Variants in MAN2A2 observed in about 807,000 individuals in gnomAD.
MAN2A2 encodes the protein alpha-mannosidase 2x.
Under a neutral mutation model 126.8 loss-of-function variants are expected in MAN2A2, and 79 were observed. That is an observed-to-expected ratio of 0.62 (90% CI 0.52 to 0.75). MAN2A2 has a LOEUF of 0.75. MAN2A2 is among the 30% of genes least tolerant of loss of function. The pLI is 0.00. For synonymous variants in MAN2A2, 671 were observed against 618.7 expected, an observed-to-expected ratio of 1.08 and a Z score of -1.25; for missense variants, 1,392 against 1,522.4, an observed-to-expected ratio of 0.91 and a Z score of 1.43.
intron 17 of MAN2A2, 53 bp downstream of exon 17, chr15:90,913,044 GT>G: frequency 6.9e-7 from 1 of 1,444,356 alleles, no homozygotes. Flanking sequence ...CTCCACAACT[GT>G]GGCGTATTCT....
At chr15:90,918,836 T>C in intron 22 of MAN2A2, 81 bp downstream of exon 22, 1 of 1,048,984 alleles carries the variant, frequency 9.5e-7, no homozygotes, top group Middle Eastern at 2.0e-4. Flanking sequence ...GGTGACAGGC[T>C]GGGAGAAGAA....
chr15:90,916,313 C>T (rs1007352732), intron 20 of MAN2A2, 57 bp downstream of exon 20: 22 of 1,578,806 alleles, frequency 1.4e-5, no homozygotes, highest in East Asian at 2.3e-5. Context: ...TGGGGGTGGC[C>T]GGGGGGTCCA....
In MAN2A2 at chr15:90,921,245, T is replaced by C. The variant is rs1465118753; in HGVS notation, c.*1458T>C. 2 of 152,254 alleles carry C rather than the reference T, an allele frequency of 1.3e-5. No individual in the cohort carries two copies. Among genetic ancestry groups the C allele is most frequent in the Non-Finnish European group, 2.9e-5 (2 of 68,046 alleles). 9.4% of individuals were successfully genotyped at this position (152,254 alleles called of 1,614,324 possible). The stretch of plus-strand genomic sequence containing the variant: ...AGTATTCTGTAAGTCAACCCAATGA[T>C]ACACATCATGTTCCTGTCCACATAC... On this transcript the variant is annotated 3_prime_UTR_variant, in exon 23 of 23. Coordinates refer to ENST00000559717, the MANE Select transcript of MAN2A2 (RefSeq NM_006122.4).
chr15:90,910,301 C>A lies in MAN2A2; in HGVS notation c.1577+9C>A. ...CTGGAAGCCCACCTGCGGTGAGACC[C>A]TGTCCCCGCTTCCAGGCTGGAGGGG... is the stretch of plus-strand genomic sequence containing the variant. On this transcript the variant is annotated intron_variant, in intron 10 of 22. Transcript: ENST00000559717. The A allele has an allele frequency of 6.2e-7, 1 of 1,613,594 alleles. No homozygotes were observed. The highest frequency in any genetic ancestry group is 8.5e-7 in the Non-Finnish European group (1 of 1,179,656).
At position 90,906,466 on chromosome 15, in the gene MAN2A2, C is replaced by G. The variant is rs749986284; in HGVS notation, c.804C>G (p.Ile268Met). ...SHYFALIDQL[I>M]EGHQWLERNL... Reference sequence around the variant, plus strand: ...ACTTTGCATTGATTGACCAGCTCATCGAAGGACACCAGTGGCTGGAGAGAA... The same window carrying G: ...ACTTTGCATTGATTGACCAGCTCATGGAAGGACACCAGTGGCTGGAGAGAA... Residue 268 changes from isoleucine to methionine, a missense_variant, in exon 6 of 23, where the codon ATC (isoleucine) becomes ATG (methionine). Physicochemically the swap from Ile to Met is conservative, Grantham distance 10. Coordinates refer to ENST00000559717, the MANE Select transcript of MAN2A2 (RefSeq NM_006122.4). 5.0e-6 allele frequency: 8 copies of G among 1,614,142 alleles called. No individual in the cohort carries two copies. The highest frequency in any genetic ancestry group is 3.3e-5 in the South Asian group (3 of 91,084).
chr15:90,910,589 C>T lies in MAN2A2; in HGVS notation c.1666C>T (p.Leu556=). The change falls in exon 11 of 23, where the codon CTG becomes TTG. Residue 556 remains leucine (L), a synonymous_variant. Transcript: ENST00000559717. ...GRYPLSDFTL[L]TEARRTLGLF... ...GTACCCACTGTCTGATTTCACCCTC[C>T]TGACGGAAGCTCGGCGCACATTGGG... is the stretch of plus-strand genomic sequence containing the variant. The T allele has an allele frequency of 6.2e-7, 1 of 1,614,194 alleles. No individual in the cohort carries two copies. The highest frequency in any genetic ancestry group is 8.5e-7 in the Non-Finnish European group (1 of 1,180,032).
chr15:90,906,339 C>A (rs1436775327), intron 5 of MAN2A2, 31 bp from the exon 6 acceptor site: 1 of 1,613,500 alleles, frequency 6.2e-7, no homozygotes, highest in Admixed American at 1.7e-5. Flanking sequence ...GAGTGTCCTG[C>A]TCCGTCCTGA....
chr15:90,910,460 C>T, intron 10 of MAN2A2, 41 bp from the exon 11 acceptor site: 1 of 1,608,546 alleles, frequency 6.2e-7, no homozygotes, highest in East Asian at 2.2e-5. Context: ...TGGGCCCTGG[C>T]TAGTGGTGCA....
intron 20 of MAN2A2, chr15:90,917,939 T>C: frequency 2.1e-6 from 1 of 487,582 alleles, no homozygotes; most frequent in South Asian, 2.6e-5. Flanking sequence ...CTCATGATAG[T>C]GTTATGTGAG....
At chr15:90,919,230 T>C (rs2151333016) in intron 22 of MAN2A2, among the ~76,000 whole-genome samples, 1 of 152,324 alleles carries the variant, frequency 6.6e-6, no homozygotes, top group Non-Finnish European at 1.5e-5. Context: ...CCCGTGAGAC[T>C]GGATGCACAC....
intron 2 of MAN2A2, among the ~76,000 whole-genome samples, 165 bp from the exon 3 acceptor site, chr15:90,905,086 A>G (rs1370699117): frequency 6.6e-6 from 1 of 151,928 alleles, no homozygotes; most frequent in African/African-American, 2.4e-5. Context: ...GGTGATCTGC[A>G]CAGCTCCCTT....
At position 90,916,302 on chromosome 15, in the gene MAN2A2, C is replaced by T. The variant is rs771910106; in HGVS notation, c.2994+46C>T. The T allele has an allele frequency of 5.0e-6, 8 of 1,593,568 alleles. No homozygotes were observed. In the African/African-American group the frequency reaches 9.4e-5, roughly 19 times the overall value. ...CCAGGGAGCCAGGTCTGGCTAGTCC[C>T]TGGGGGTGGCCGGGGGGTCCAGCCT... On this transcript the variant is annotated intron_variant, in intron 20 of 22. Coordinates refer to ENST00000559717, the MANE Select transcript of MAN2A2 (RefSeq NM_006122.4).
Position 90,918,304 on chromosome 15 carries a change from C to T in MAN2A2, c.3105C>T (p.Gly1035=). The T allele has an allele frequency of 1.2e-6, 2 of 1,614,184 alleles. No individual in the cohort carries two copies. The highest frequency in any genetic ancestry group is 1.7e-6 in the Non-Finnish European group (2 of 1,180,028). Residue 1035 remains glycine (G), a synonymous_variant, in exon 21 of 23, where the codon GGC becomes GGT. Transcript: ENST00000559717. The stretch of plus-strand genomic sequence containing the variant: ...CTGTAGCCAGGATGCAGCTCCCAGG[C>T]CCTGGTCTGCGCTCATTTCATCCTC... ...ALPVARMQLP[G]PGLRSFHPLA... is the part of the protein sequence containing the mutation.
In MAN2A2 at chr15:90,905,528, G is replaced by C; in HGVS notation, c.390+20G>C. 6.2e-7 allele frequency: 1 copy of C among 1,614,154 alleles called. No homozygotes were observed. The highest frequency in any genetic ancestry group is 8.5e-7 in the Non-Finnish European group (1 of 1,180,040). ...CTGCAGGTAAGAGTCAGAGCTGGCA[G>C]GGACGTACAGTGGCCACGACTGGGG... On this transcript the variant is annotated intron_variant, in intron 3 of 22. Coordinates refer to ENST00000559717, the MANE Select transcript of MAN2A2 (RefSeq NM_006122.4).
intron 8 of MAN2A2, among the ~76,000 whole-genome samples, chr15:90,909,124 A>G (rs968104659): frequency 6.6e-6 from 1 of 152,188 alleles, no homozygotes; most frequent in Non-Finnish European, 1.5e-5. Flanking sequence ...AGCATAAAAA[A>G]TAACATGTCA....
chr15:90,909,620 T>A, intron 9 of MAN2A2, 116 bp downstream of exon 9: 2 of 991,662 alleles, frequency 2.0e-6, no homozygotes, highest in Non-Finnish European at 2.8e-6. Flanking sequence ...TTTTTTTTTT[T>A]TGAGATGGAG....
intron 1 of MAN2A2, 39 bp from the exon 2 acceptor site, chr15:90,904,151 T>G (rs759916102): frequency 2.5e-6 from 4 of 1,612,874 alleles, no homozygotes; most frequent in Non-Finnish European, 2.5e-6. Context: ...CCACGGGCAT[T>G]TTGCATGTTG....
Position 90,916,126 on chromosome 15 carries a change from A to T in MAN2A2, c.2864A>T (p.Gln955Leu). 1 of 1,613,950 alleles carries T rather than the reference A, an allele frequency of 6.2e-7. No homozygotes were observed. Among genetic ancestry groups the T allele is most frequent in the Non-Finnish European group, 8.5e-7 (1 of 1,179,964 alleles). ...ALGVSSLKDGQLEVILDRRLM... is the reference protein window; with the variant it reads ...ALGVSSLKDGLLEVILDRRLM... The stretch of plus-strand genomic sequence containing the variant: ...CACTCACTGTTTGCTTCCCCAGGCC[A>T]GCTGGAGGTGATCTTGGACCGGCGG... Residue 955 changes from glutamine (Q) to leucine (L), a missense_variant, in exon 20 of 23, where the codon CAG becomes CTG. Gln to Leu is a moderately radical substitution (Grantham distance 113). Coordinates refer to ENST00000559717, the MANE Select transcript of MAN2A2 (RefSeq NM_006122.4).
chr15:90,905,848 G>A lies in MAN2A2; in HGVS notation c.539G>A (p.Trp180Ter), dbSNP rs1472620924. ...VVPHSHNDPGWIKTFDKYYTE... is the reference protein window; with the variant it reads ...VVPHSHNDPG ...GGACCCTACATTGGCTCCCTAGGCT[G>A]GATCAAGACCTTTGACAAGTACTAC... Residue 180 changes from tryptophan (W) to a stop codon, truncating the protein, a stop_gained, in exon 5 of 23, where the codon TGG (tryptophan) becomes TAG (stop). Transcript: ENST00000559717. LOFTEE classifies it high-confidence loss of function. The A allele has an allele frequency of 3.8e-6, 6 of 1,574,082 alleles. No individual in the cohort carries two copies. Among genetic ancestry groups the A allele is most frequent in the Non-Finnish European group, 4.3e-6 (5 of 1,159,504 alleles).
Sources: gnomAD v4.1 joint callset for allele counts (sites outside exome capture counted in the v4.1 genomes callset) on GRCh38, gnomAD v4.1.1 for gene constraint, MANE v1.5 for transcripts, NCBI Gene and HGNC (gene_info 2026-07-23, HGNC 2026-07-21) for gene names.